The following DIPK1A variants were observed in gnomAD, a reference collection of about 807,000 sequenced individuals.
The protein encoded by DIPK1A is divergent protein kinase domain 1A.
In DIPK1A, 27 loss-of-function variants were observed where a neutral mutation model predicts 40.8. The ratio of observed to expected loss-of-function variants is 0.66; its 90% CI spans 0.49 to 0.91. The LOEUF is 0.91. Ranked by LOEUF, DIPK1A falls within the 40% of genes least tolerant of loss-of-function variation. The pLI, the probability that DIPK1A is intolerant of heterozygous loss-of-function variation, is 0.00. For missense variants in DIPK1A, 412 were observed against 505.7 expected (o/e 0.81, Z 1.78); for synonymous variants, 166 against 171.3 (o/e 0.97, Z 0.24).
At position 92,956,361 on chromosome 1, in the gene DIPK1A, C is replaced by G. The variant is rs1399931775; in HGVS notation, c.54+5015G>C. ...CAACTAATGGTAATATCAAGTGGCT[C>G]TCTGTACACATACCAGTCTCAGAAA... On this transcript the variant is annotated intron_variant, in intron 1 of 4. Transcript: ENST00000370310. 2.0e-5 allele frequency among the ~76,000 whole-genome samples: 3 copies of G among 152,310 alleles called. No homozygotes were observed. The East Asian group carries it at 5.8e-4, about 29-fold the overall frequency.
At chr1:92,839,246 C>T (rs539833033), downstream of DIPK1A, among the ~76,000 whole-genome samples, 18 of 152,158 alleles carry the variant, frequency 1.2e-4, no homozygotes, top group African/African-American at 3.6e-4. Context: ...GTAATCCCAG[C>T]GACTCGGGAG....
chr1:92,856,206 G>T (rs544686271), intron 2 of DIPK1A, among the ~76,000 whole-genome samples: 1 of 151,828 alleles, frequency 6.6e-6, no homozygotes, highest in Non-Finnish European at 1.5e-5. Context: ...AAAGAGTAGT[G>T]GTGGCAAAAA....
intron 3 of DIPK1A, among the ~76,000 whole-genome samples, chr1:92,849,949 C>T (rs1318872927): frequency 1.3e-5 from 2 of 151,878 alleles, no homozygotes; most frequent in Non-Finnish European, 2.9e-5. Flanking sequence ...TGCCACGGGC[C>T]CGGCTGTTTG....
At chr1:92,878,820 AAAAC>A (rs113474701) in intron 1 of DIPK1A, among the ~76,000 whole-genome samples, 3,316 of 145,872 alleles carry the variant, frequency 0.023, 62 homozygotes, top group South Asian at 0.042. Context: ...CTCTGTCTCA[AAAAC>A]AAACAAACAA....
chr1:92,833,236 G>T, intron 4 of DIPK1A: 1 of 675,102 alleles, frequency 1.5e-6, no homozygotes, highest in South Asian at 1.7e-5. Flanking sequence ...AAAGATTCTT[G>T]ACCCTAGTTG....
At chr1:92,940,905 C>T (rs1651125678) in intron 1 of DIPK1A, among the ~76,000 whole-genome samples, 2 of 152,030 alleles carry the variant, frequency 1.3e-5, no homozygotes, top group Admixed American at 1.3e-4. Flanking sequence ...TGTTTACTTG[C>T]CATCTATATA....
At chr1:92,833,506 C>T (rs569054211) in intron 4 of DIPK1A, 2 of 1,605,348 alleles carry the variant, frequency 1.2e-6, no homozygotes, top group African/African-American at 1.3e-5. Context: ...TTTGCAGATG[C>T]AGTGGAGTAT....
chr1:92,950,660 A>G (rs1351754493), intron 1 of DIPK1A, among the ~76,000 whole-genome samples: 1 of 152,228 alleles, frequency 6.6e-6, no homozygotes, highest in Admixed American at 6.5e-5. Context: ...GCAGTGAGCT[A>G]TGATTGTGCC....
chr1:92,846,821 A>ATGTGTG lies in DIPK1A; in HGVS notation c.474+361_474+362insCACACA, dbSNP rs1553123783. Among the ~76,000 whole-genome samples, 15 of 4,038 alleles carry ATGTGTG rather than the reference A, an allele frequency of 3.7e-3. 3 individuals are homozygous for ATGTGTG. Among genetic ancestry groups the ATGTGTG allele is most frequent in the East Asian group, 0.012 (1 of 84 alleles). The allele number at this position is 4,038 out of a possible 152,430, so 2.6% of individuals were successfully genotyped here. ...TATATATATATATATATATATATATATATATATATATATATATATATGTGT... is the reference window on the plus strand; with the variant it reads ...TATATATATATATATATATATATATATGTGTGTATATATATATATATATATATGTGT... On this transcript the variant is annotated intron_variant, in intron 4 of 4. Coordinates refer to ENST00000370310, the MANE Select transcript of DIPK1A (RefSeq NM_001006605.5).
intron 1 of DIPK1A, among the ~76,000 whole-genome samples, chr1:92,914,819 C>A (rs2100842394): frequency 6.7e-6 from 1 of 150,052 alleles, no homozygotes; most frequent in South Asian, 2.1e-4. Context: ...GGCGCGGTGG[C>A]TCACACCTGT....
intron 1 of DIPK1A, among the ~76,000 whole-genome samples, chr1:92,898,032 G>T (rs1174796911): frequency 6.6e-6 from 1 of 150,632 alleles, no homozygotes; most frequent in African/African-American, 2.4e-5. Context: ...CTGGGAGATG[G>T]AGGTTGAAGT....
chr1:92,871,369 T>G (rs1257500556), intron 2 of DIPK1A, among the ~76,000 whole-genome samples: 1 of 152,148 alleles, frequency 6.6e-6, no homozygotes, highest in Non-Finnish European at 1.5e-5. Context: ...TTCTCCATGT[T>G]GGTTGGACTG....
At chr1:92,859,855 C>T (rs937912982) in intron 2 of DIPK1A, among the ~76,000 whole-genome samples, 1 of 152,094 alleles carries the variant, frequency 6.6e-6, no homozygotes, top group Non-Finnish European at 1.5e-5. Context: ...AGGTGCATGC[C>T]ACCACCCTGG....
At chr1:92,916,888 A>G (rs1008275638) in intron 1 of DIPK1A, among the ~76,000 whole-genome samples, 16 of 152,184 alleles carry the variant, frequency 1.1e-4, no homozygotes, top group African/African-American at 3.9e-4. Flanking sequence ...ACAATCTGAA[A>G]CTCAAATTTT....
At chr1:92,908,412 G>T (rs970946190) in intron 1 of DIPK1A, among the ~76,000 whole-genome samples, 1 of 152,238 alleles carries the variant, frequency 6.6e-6, no homozygotes, top group African/African-American at 2.4e-5. Flanking sequence ...CGAGAATGTT[G>T]TAACACAGAA....
intron 2 of DIPK1A, among the ~76,000 whole-genome samples, chr1:92,866,416 G>A (rs1489191892): frequency 2.0e-5 from 3 of 152,066 alleles, no homozygotes; most frequent in Non-Finnish European, 4.4e-5. Flanking sequence ...AGGCCCTGTA[G>A]AAGTTCTGCC....
chr1:92,841,330 T>C (rs938872242), downstream of DIPK1A, among the ~76,000 whole-genome samples: 2 of 152,234 alleles, frequency 1.3e-5, no homozygotes, highest in Non-Finnish European at 2.9e-5. Flanking sequence ...ACTTCATTCA[T>C]GTTGCAAATG....
chr1:92,842,966 T>G lies in DIPK1A; in HGVS notation c.*417A>C, dbSNP rs903510498. On this transcript the variant is annotated 3_prime_UTR_variant, in exon 5 of 5. Coordinates refer to ENST00000370310, the MANE Select transcript of DIPK1A (RefSeq NM_001006605.5). ...TTAATTTCTGTTAATGTGCAAACTT[T>G]ACCATGCTAAGACATTAGTAAATTT... is the stretch of plus-strand genomic sequence containing the variant. 5 of 990,690 alleles carry G rather than the reference T, an allele frequency of 5.0e-6. No individual in the cohort carries two copies. The highest frequency in any genetic ancestry group is 6.0e-6 in the Non-Finnish European group (5 of 833,388). The allele number at this position is 990,690 out of a possible 1,614,324, so 61.4% of individuals were successfully genotyped here.
At chr1:92,865,053 A>C (rs1647470350) in intron 2 of DIPK1A, among the ~76,000 whole-genome samples, 1 of 151,128 alleles carries the variant, frequency 6.6e-6, no homozygotes. Flanking sequence ...AAAAAAAAAA[A>C]AAAAAAAAAG....
Sources: gnomAD v4.1 joint callset for allele counts (sites outside exome capture counted in the v4.1 genomes callset) on GRCh38, gnomAD v4.1.1 for gene constraint, MANE v1.5 for transcripts, NCBI Gene and HGNC (gene_info 2026-07-23, HGNC 2026-07-21) for gene names.